Variants in RAPGEF2 observed in about 807,000 individuals in gnomAD.
The protein encoded by RAPGEF2 is PDZ domain containing guanine nucleotide exchange factor (GEF) 1.
RAPGEF2 carries 54 observed loss-of-function variants against 186.7 expected under a neutral mutation model. That is an observed-to-expected ratio of 0.29 (90% CI 0.23 to 0.36). RAPGEF2 has a LOEUF of 0.36. Ranked by LOEUF, RAPGEF2 falls within the 10% of genes least tolerant of loss-of-function variation. The pLI is 1.00. For synonymous variants in RAPGEF2, 712 were observed against 705.9 expected (o/e 1.01, Z -0.14); for missense variants, 1,532 against 2,045.0 (o/e 0.75, Z 4.84).
intron 1 of RAPGEF2, among the ~76,000 whole-genome samples, chr4:159,120,361 T>C (rs1739533332): frequency 6.6e-6 from 1 of 152,196 alleles, no homozygotes; most frequent in African/African-American, 2.4e-5. Context: ...ATGTAAAATA[T>C]ACATAAAAGC....
At chr4:159,173,732 T>A (rs1159195462) in intron 1 of RAPGEF2, among the ~76,000 whole-genome samples, 1 of 152,196 alleles carries the variant, frequency 6.6e-6, no homozygotes, top group East Asian at 1.9e-4. Flanking sequence ...GTGCCTCTGT[T>A]CTCTGTGTGT....
intron 8 of RAPGEF2, 29 bp from the exon 9 acceptor site, chr4:159,314,562 G>C (rs1764320467): frequency 6.4e-7 from 1 of 1,568,744 alleles, no homozygotes; most frequent in Non-Finnish European, 8.6e-7. Context: ...ACTTAAAATA[G>C]TTTTTAATTT....
intron 3 of RAPGEF2, among the ~76,000 whole-genome samples, chr4:159,206,497 G>A (rs1750005703): frequency 6.6e-6 from 1 of 152,120 alleles, no homozygotes; most frequent in Non-Finnish European, 1.5e-5. Flanking sequence ...ACAATTTGCT[G>A]CTGCTACTAC....
chr4:159,357,192 C>A (rs1732154645), intron 29 of RAPGEF2, among the ~76,000 whole-genome samples: 1 of 152,102 alleles, frequency 6.6e-6, no homozygotes, highest in Non-Finnish European at 1.5e-5. Context: ...AGACCTGTCT[C>A]CATAAAAATA....
At chr4:159,181,570 A>G (rs1323270706) in intron 1 of RAPGEF2, among the ~76,000 whole-genome samples, 3 of 145,270 alleles carry the variant, frequency 2.1e-5, no homozygotes, top group Non-Finnish European at 4.5e-5. Flanking sequence ...AAATGGGAAG[A>G]CAGTCTTTTT....
intron 1 of RAPGEF2, among the ~76,000 whole-genome samples, chr4:159,107,475 G>A (rs1290541961): frequency 6.6e-6 from 1 of 152,042 alleles, no homozygotes; most frequent in Non-Finnish European, 1.5e-5. Context: ...AGTTTTTCAG[G>A]TGAAACATCT....
chr4:159,351,874 C>G (rs1247909376), intron 26 of RAPGEF2, among the ~76,000 whole-genome samples: 3 of 152,288 alleles, frequency 2.0e-5, no homozygotes, highest in African/African-American at 7.2e-5. Flanking sequence ...TCGCTTGAAG[C>G]CAGGAGGTGG....
chr4:159,347,106 C>T (rs1396186918), intron 25 of RAPGEF2, 108 bp downstream of exon 25: 1 of 1,079,824 alleles, frequency 9.3e-7, no homozygotes, highest in Non-Finnish European at 1.3e-6. Context: ...ATTTGAGTTT[C>T]TCTGTAATTA....
At chr4:159,206,203 G>T (rs7686259) in intron 3 of RAPGEF2, among the ~76,000 whole-genome samples, 151,335 of 152,394 alleles carry the variant, frequency 0.99, 75,154 homozygotes, top group East Asian at 1. Flanking sequence ...GTGCTGGGAT[G>T]ACAGGCATGA....
chr4:159,330,151 A>G (rs2111196167), intron 12 of RAPGEF2, 141 bp downstream of exon 12: 1 of 877,136 alleles, frequency 1.1e-6, no homozygotes. Context: ...ATGATCTCCT[A>G]GTGAATAGCA....
At chr4:159,106,905 T>G (rs1358409907) in intron 1 of RAPGEF2, among the ~76,000 whole-genome samples, 3 of 152,120 alleles carry the variant, frequency 2.0e-5, no homozygotes, top group African/African-American at 7.2e-5. Flanking sequence ...AATTGGGAGC[T>G]TTTCATGTCC....
intron 4 of RAPGEF2, chr4:159,229,541 A>G (rs1752398634): frequency 6.6e-6 from 1 of 152,196 alleles, no homozygotes; most frequent in Non-Finnish European, 1.5e-5. Flanking sequence ...GTAAGACTTC[A>G]CATTCCCAAA....
intron 17 of RAPGEF2, among the ~76,000 whole-genome samples, chr4:159,335,835 CAAAAAAAAAAAAAAAA>C (rs778302629): frequency 2.1e-5 from 1 of 48,154 alleles, no homozygotes; most frequent in Admixed American, 2.3e-4. Flanking sequence ...GACTCCGTCT[CAAAAAAAAAAAAAAAA>C]AAAAAAAAGG....
intron 3 of RAPGEF2, among the ~76,000 whole-genome samples, chr4:159,202,812 G>A (rs1193016253): frequency 3.9e-5 from 6 of 152,106 alleles, no homozygotes; most frequent in African/African-American, 1.4e-4. Context: ...ATGTTGGCCA[G>A]GTAGATCTCA....
intron 17 of RAPGEF2, 70 bp from the exon 18 acceptor site, chr4:159,338,241 G>A (rs1259265468): frequency 7.2e-7 from 1 of 1,386,416 alleles, no homozygotes; most frequent in Non-Finnish European, 9.8e-7. Flanking sequence ...TTTGGTCTGT[G>A]TTTATTATAT....
intron 7 of RAPGEF2, among the ~76,000 whole-genome samples, chr4:159,291,860 T>C (rs1017199303): frequency 6.6e-6 from 1 of 152,158 alleles, no homozygotes; most frequent in African/African-American, 2.4e-5. Flanking sequence ...GGAATTACTG[T>C]TAATGTTTTA....
intron 1 of RAPGEF2, among the ~76,000 whole-genome samples, chr4:159,120,462 C>T (rs1739550441): frequency 6.6e-6 from 1 of 152,164 alleles, no homozygotes; most frequent in Admixed American, 6.5e-5. Flanking sequence ...GGTTGTTATA[C>T]AAGATTAGCT....
intron 7 of RAPGEF2, among the ~76,000 whole-genome samples, chr4:159,265,036 A>G (rs542086425): frequency 9.8e-5 from 15 of 152,338 alleles, no homozygotes; most frequent in African/African-American, 2.9e-4. Context: ...CCGTTTGGCA[A>G]CAGTTTACTT....
intron 2 of RAPGEF2, among the ~76,000 whole-genome samples, chr4:159,192,228 G>GA (rs1458617320): frequency 1.3e-5 from 2 of 152,156 alleles, no homozygotes; most frequent in Admixed American, 6.5e-5. Context: ...AGTTAAGTGA[G>GA]AATCAGCTGC....
Sources: gnomAD v4.1 joint callset for allele counts (sites outside exome capture counted in the v4.1 genomes callset) on GRCh38, gnomAD v4.1.1 for gene constraint, MANE v1.5 for transcripts, NCBI Gene and HGNC (gene_info 2026-07-23, HGNC 2026-07-21) for gene names.